MAPK10: variants seen among roughly 807,000 people sequenced by gnomAD.
MAPK10 encodes mitogen-activated protein kinase 10, also known as JNK3 alpha protein kinase.
A neutral mutation model predicts 59.3 loss-of-function variants in MAPK10; 25 were observed. The ratio of observed to expected loss-of-function variants is 0.42; its 90% confidence interval spans 0.31 to 0.59. The LOEUF (loss-of-function observed/expected upper bound fraction) is 0.59. Among genes scored for constraint, MAPK10 ranks in the 20% least tolerant of loss-of-function variants. MAPK10 has a pLI of 0.15. For synonymous variants in MAPK10, 190 were observed against 200.5 expected (o/e 0.95, Z 0.44); for missense variants, 351 against 568.9 (o/e 0.62, Z 3.90).
At position 86,206,822 on chromosome 4, in the gene MAPK10, T is replaced by C. The variant is rs1280002841; in HGVS notation, c.-6-12415A>G. 5.3e-5 allele frequency among the ~76,000 whole-genome samples: 8 copies of C among 152,282 alleles called. No homozygotes were observed. The South Asian group carries it at 6.2e-4, about 12-fold the overall frequency. On this transcript the variant is annotated intron_variant, in intron 2 of 13. Transcript: ENST00000641462. ...TGATGATGAGCATTTTTTCATGTGT[T>C]TGTTGGCTGCATAAATGTCTTCTTT... is the stretch of plus-strand genomic sequence containing the variant.
At chr4:86,022,688 T>C (rs1395009784) in intron 13 of MAPK10, among the ~76,000 whole-genome samples, 1 of 152,100 alleles carries the variant, frequency 6.6e-6, no homozygotes, top group African/African-American at 2.4e-5. Context: ...AAAAGATTTT[T>C]TGTAGAGACA....
chr4:86,375,713 T>TAAAAAAAAA (rs56189009), intron 1 of MAPK10, among the ~76,000 whole-genome samples: 21 of 33,328 alleles, frequency 6.3e-4, no homozygotes, highest in African/African-American at 2.0e-3. Flanking sequence ...AGGTCCACTC[T>TAAAAAAAAA]AAAAAAAAAA....
chr4:86,278,035 A>C (rs2094648755), intron 2 of MAPK10, among the ~76,000 whole-genome samples: 1 of 152,154 alleles, frequency 6.6e-6, no homozygotes, highest in Non-Finnish European at 1.5e-5. Context: ...AACATACAAA[A>C]GAGGATGGGC....
At chr4:86,519,266 G>C (rs1182386884) in intron 1 of MAPK10, among the ~76,000 whole-genome samples, 1 of 152,116 alleles carries the variant, frequency 6.6e-6, no homozygotes, top group African/African-American at 2.4e-5. Context: ...CTTACGTCTA[G>C]TAGTAATTGT....
intron 3 of MAPK10, among the ~76,000 whole-genome samples, chr4:86,172,456 C>G (rs1402700720): frequency 6.6e-6 from 1 of 150,922 alleles, no homozygotes; most frequent in African/African-American, 2.5e-5. Context: ...TCATCATTCA[C>G]AGTAAACTAT....
upstream of MAPK10, among the ~76,000 whole-genome samples, chr4:86,454,861 A>T (rs1458347867): frequency 6.6e-6 from 1 of 152,034 alleles, no homozygotes; most frequent in Admixed American, 6.5e-5. Context: ...AAGAAAAAAA[A>T]TCTTAAGAGA....
chr4:86,228,755 A>G lies in MAPK10; in HGVS notation c.-6-34348T>C, dbSNP rs1476178090. 2.0e-5 allele frequency among the ~76,000 whole-genome samples: 3 copies of G among 151,202 alleles called. No individual in the cohort carries two copies. The East Asian group carries it at 5.8e-4, about 29-fold the overall frequency. On this transcript the variant is annotated intron_variant, in intron 2 of 13. Transcript: ENST00000641462. ...TCCATGTTTGTATCCCCAGCACTTT[A>G]CATAGTAGTCATTAAATAAATAAAT...
In MAPK10 at chr4:86,011,440, C is replaced by T. The variant is rs2148881931; in HGVS notation, c.*5788G>A. On this transcript the variant is annotated 3_prime_UTR_variant, in exon 14 of 14. Transcript: ENST00000641462. ...CAGTGTTGTTATTGGCAAGTAGATT[C>T]ATCCTTCTAGGTTGGTTGCTCCATA... 6.6e-6 allele frequency: 1 copy of T among 152,324 alleles called. No homozygotes were observed. The highest frequency in any genetic ancestry group is 1.5e-5 in the Non-Finnish European group (1 of 68,026). 9.4% of individuals were successfully genotyped at this position (152,324 alleles called of 1,614,324 possible).
At chr4:86,154,175 G>C (rs1387186278) in intron 4 of MAPK10, among the ~76,000 whole-genome samples, 2 of 152,030 alleles carry the variant, frequency 1.3e-5, no homozygotes, top group Non-Finnish European at 2.9e-5. Flanking sequence ...TGATGCTTTG[G>C]AAAACCTCTG....
intron 1 of MAPK10, among the ~76,000 whole-genome samples, chr4:86,515,850 C>A (rs1013271508): frequency 6.6e-6 from 1 of 151,126 alleles, no homozygotes; most frequent in Non-Finnish European, 1.5e-5. Context: ...AATTAAGACA[C>A]ATCTATTTAT....
At chr4:86,385,889 G>C (rs1413035824) in intron 1 of MAPK10, among the ~76,000 whole-genome samples, 1 of 152,166 alleles carries the variant, frequency 6.6e-6, no homozygotes, top group Non-Finnish European at 1.5e-5. Flanking sequence ...CAAGAAGGTG[G>C]TTAGACTATA....
intron 2 of MAPK10, among the ~76,000 whole-genome samples, chr4:86,314,633 C>T (rs986233220): frequency 3.3e-5 from 5 of 151,938 alleles, no homozygotes; most frequent in Admixed American, 6.6e-5. Flanking sequence ...TATACATGTG[C>T]GAAAATTTAT....
intron 4 of MAPK10, among the ~76,000 whole-genome samples, chr4:86,117,001 C>T (rs2058384345): frequency 6.6e-6 from 1 of 152,240 alleles, no homozygotes; most frequent in Non-Finnish European, 1.5e-5. Context: ...TTTAGTCTTT[C>T]TGCTAATTAC....
At chr4:86,513,609 C>CCCA in intron 1 of MAPK10, among the ~76,000 whole-genome samples, 1 of 152,148 alleles carries the variant, frequency 6.6e-6, no homozygotes, top group East Asian at 1.9e-4. Flanking sequence ...TACTTAATTT[C>CCCA]CCACAGTAGG....
upstream of MAPK10, among the ~76,000 whole-genome samples, chr4:86,456,228 C>T (rs1446589609): frequency 6.6e-6 from 1 of 152,060 alleles, no homozygotes. Context: ...AACAGACAAT[C>T]TAAGGTCACA....
chr4:86,439,030 G>A (rs1209155602), intron 1 of MAPK10, among the ~76,000 whole-genome samples: 1 of 152,130 alleles, frequency 6.6e-6, no homozygotes, highest in Non-Finnish European at 1.5e-5. Flanking sequence ...TCTTATGGTG[G>A]CCAAGAGGTT....
At chr4:86,019,783 T>TG (rs1320860542) in intron 13 of MAPK10, among the ~76,000 whole-genome samples, 2 of 152,216 alleles carry the variant, frequency 1.3e-5, no homozygotes, top group Non-Finnish European at 2.9e-5. Context: ...TGATCAATTG[T>TG]GAGCCTAGCA....
intron 1 of MAPK10, among the ~76,000 whole-genome samples, chr4:86,382,876 C>T (rs960867184): frequency 1.3e-5 from 2 of 152,110 alleles, no homozygotes; most frequent in Admixed American, 1.3e-4. Flanking sequence ...AGAGACAAAT[C>T]CTTGGGTTCA....
intron 9 of MAPK10, among the ~76,000 whole-genome samples, chr4:86,076,271 C>A (rs1260930560): frequency 1.3e-5 from 2 of 152,076 alleles, no homozygotes; most frequent in Admixed American, 6.5e-5. Flanking sequence ...GTGCGCGCAC[C>A]CACTGGCCTG....
Sources: allele counts gnomAD v4.1 joint callset (sites outside exome capture counted in the v4.1 genomes callset), GRCh38; gene constraint gnomAD v4.1.1; transcripts MANE v1.5; gene names NCBI Gene and HGNC (gene_info 2026-07-23, HGNC 2026-07-21).